The following PITPNC1 variants were observed in gnomAD, a reference collection of about 807,000 sequenced individuals.
The protein encoded by PITPNC1 is phosphatidylinositol transfer protein cytoplasmic 1, also known as cytoplasmic phosphatidylinositol transfer protein 1.
Under a neutral mutation model 44.7 loss-of-function variants are expected in PITPNC1, and 18 were observed. The ratio of observed to expected loss-of-function variants is 0.40; its 90% CI spans 0.28 to 0.60. PITPNC1 has a LOEUF of 0.60. Ranked by LOEUF, PITPNC1 falls within the 20% of genes least tolerant of loss-of-function variation. PITPNC1 has a pLI of 0.39. For synonymous variants in PITPNC1, 141 were observed against 149.6 expected (o/e 0.94, Z 0.42); for missense variants, 290 against 418.4 (o/e 0.69, Z 2.68).
intron 1 of PITPNC1, among the ~76,000 whole-genome samples, chr17:67,397,878 G>C (rs2038242874): frequency 6.6e-6 from 1 of 152,156 alleles, no homozygotes; most frequent in African/African-American, 2.4e-5. Context: ...CCGATCACGA[G>C]GTCAGGAAAT....
intron 5 of PITPNC1, among the ~76,000 whole-genome samples, chr17:67,596,511 T>C (rs773451391): frequency 2.0e-5 from 3 of 152,176 alleles, no homozygotes; most frequent in Non-Finnish European, 2.9e-5. Context: ...GTATTTTTGT[T>C]GTTATTGTTT....
At chr17:67,582,639 A>G (rs2041250968) in intron 5 of PITPNC1, among the ~76,000 whole-genome samples, 1 of 152,224 alleles carries the variant, frequency 6.6e-6, no homozygotes, top group Non-Finnish European at 1.5e-5. Flanking sequence ...TTAAAAATAA[A>G]ACCAGTATAC....
At chr17:67,451,117 C>T (rs1280711125) in intron 1 of PITPNC1, among the ~76,000 whole-genome samples, 1 of 152,032 alleles carries the variant, frequency 6.6e-6, no homozygotes, top group African/African-American at 2.4e-5. Flanking sequence ...CTGCAACTTC[C>T]GCCTCCTGGG....
intron 1 of PITPNC1, among the ~76,000 whole-genome samples, chr17:67,381,153 C>G (rs923052065): frequency 5.3e-5 from 8 of 152,032 alleles, no homozygotes; most frequent in African/African-American, 1.4e-4. Context: ...CAGTGAAACC[C>G]CGTCTCTACT....
At chr17:67,657,598 C>A (rs1453787327) in intron 6 of PITPNC1, among the ~76,000 whole-genome samples, 2 of 152,054 alleles carry the variant, frequency 1.3e-5, no homozygotes, top group Non-Finnish European at 2.9e-5. Context: ...GTGTCCTTAT[C>A]TATAAAACTG....
chr17:67,535,390 C>T (rs116579212), intron 2 of PITPNC1, among the ~76,000 whole-genome samples: 3 of 152,160 alleles, frequency 2.0e-5, no homozygotes, highest in Non-Finnish European at 4.4e-5. Flanking sequence ...AAAATAGAAA[C>T]CTATGGAAAA....
chr17:67,431,556 T>C (rs1178888672), intron 1 of PITPNC1, among the ~76,000 whole-genome samples: 2 of 152,200 alleles, frequency 1.3e-5, no homozygotes, highest in Non-Finnish European at 2.9e-5. Context: ...GCCAGAGATA[T>C]TAATAAGGGT....
chr17:67,531,762 C>T (rs551478637), intron 1 of PITPNC1, among the ~76,000 whole-genome samples: 2 of 152,208 alleles, frequency 1.3e-5, no homozygotes, highest in South Asian at 2.1e-4. Context: ...CCCACTCCCC[C>T]ATCCCAGAGG....
chr17:67,488,356 C>T (rs1332486237), intron 1 of PITPNC1, among the ~76,000 whole-genome samples: 1 of 152,180 alleles, frequency 6.6e-6, no homozygotes, highest in African/African-American at 2.4e-5. Context: ...ACCCAGAGGC[C>T]TGCCAGACGG....
chr17:67,580,257 TTTTCACGTAGC>T (rs2041211277), intron 5 of PITPNC1, among the ~76,000 whole-genome samples: 1 of 152,242 alleles, frequency 6.6e-6, no homozygotes. Flanking sequence ...AGCTTGACTC[TTTTCACGTAGC>T]TGTGGACTCT....
intron 1 of PITPNC1, among the ~76,000 whole-genome samples, chr17:67,406,961 C>G (rs892930181): frequency 4.6e-5 from 7 of 152,184 alleles, no homozygotes; most frequent in African/African-American, 1.7e-4. Context: ...CAGTTTTTGG[C>G]TATTATGAAC....
At chr17:67,647,802 T>G (rs916138564) in intron 6 of PITPNC1, among the ~76,000 whole-genome samples, 5 of 152,234 alleles carry the variant, frequency 3.3e-5, no homozygotes, top group Admixed American at 3.3e-4. Context: ...GCATGTGTTC[T>G]CTCACTTCAA....
At chr17:67,451,732 G>A (rs1363439919) in intron 1 of PITPNC1, among the ~76,000 whole-genome samples, 2 of 151,350 alleles carry the variant, frequency 1.3e-5, no homozygotes, top group East Asian at 3.9e-4. Flanking sequence ...TCCGCCTCCC[G>A]GGTTCATGCC....
chr17:67,471,780 C>T (rs1214440834), intron 1 of PITPNC1, among the ~76,000 whole-genome samples: 3 of 151,952 alleles, frequency 2.0e-5, no homozygotes, highest in Admixed American at 2.0e-4. Context: ...CAAAAATTAA[C>T]ATGGGCACAG....
intron 1 of PITPNC1, among the ~76,000 whole-genome samples, chr17:67,414,681 C>T (rs1448387160): frequency 6.6e-6 from 1 of 152,026 alleles, no homozygotes; most frequent in Non-Finnish European, 1.5e-5. Flanking sequence ...TATTTGTCAA[C>T]CCGCAGGGGT....
chr17:67,644,425 A>ATTTT (rs750245444), intron 6 of PITPNC1, among the ~76,000 whole-genome samples: 5 of 108,974 alleles, frequency 4.6e-5, no homozygotes, highest in Admixed American at 1.0e-4. Context: ...TCCCTCTGTA[A>ATTTT]TTTTTTTTTT....
At chr17:67,431,958 G>A (rs2038863142) in intron 1 of PITPNC1, among the ~76,000 whole-genome samples, 1 of 152,172 alleles carries the variant, frequency 6.6e-6, no homozygotes. Context: ...ACGGACCACA[G>A]CCATATTACC....
At position 67,513,045 on chromosome 17, in the gene PITPNC1, T is replaced by C. The variant is rs557358492; in HGVS notation, c.49-19757T>C. On this transcript the variant is annotated intron_variant, in intron 1 of 8. Coordinates refer to ENST00000581322, the MANE Select transcript of PITPNC1 (RefSeq NM_012417.4). Reference sequence around the variant, plus strand: ...ACATAATGGGATGCACACAATCATATAGAAATCATATAATAATTATTAAAA... The same window carrying C: ...ACATAATGGGATGCACACAATCATACAGAAATCATATAATAATTATTAAAA... Among the ~76,000 whole-genome samples the C allele has an allele frequency of 2.6e-5, 4 of 152,078 alleles. No homozygotes were observed. In the East Asian group the frequency reaches 7.7e-4, roughly 29 times the overall value.
intron 1 of PITPNC1, among the ~76,000 whole-genome samples, chr17:67,480,454 A>G (rs1242807826): frequency 6.6e-6 from 1 of 152,212 alleles, no homozygotes; most frequent in Non-Finnish European, 1.5e-5. Flanking sequence ...AGACAACTCA[A>G]CGTCCAACAA....
Sources: gnomAD v4.1 joint callset for allele counts (sites outside exome capture counted in the v4.1 genomes callset) on GRCh38, gnomAD v4.1.1 for gene constraint, MANE v1.5 for transcripts, NCBI Gene and HGNC (gene_info 2026-07-23, HGNC 2026-07-21) for gene names.